A1BG: variants seen among roughly 807,000 people sequenced by gnomAD.
The protein encoded by A1BG is alpha-1-B glycoprotein, also known as alpha-1B-glycoprotein.
In A1BG, 44 loss-of-function variants were observed where a neutral mutation model predicts 46.0. That is an observed-to-expected ratio of 0.96 (90% CI 0.75 to 1.23). The LOEUF is 1.23. Ranked by LOEUF, A1BG falls within the 50% of genes most tolerant of loss-of-function variation. A1BG has a pLI of 0.00. For missense variants in A1BG, 707 were observed against 688.8 expected (o/e 1.03, Z -0.30); for synonymous variants, 316 against 314.7 (o/e 1.00, Z -0.04).
At position 58,346,555 on chromosome 19, in the gene A1BG, C is replaced by A. The variant is rs1196755509; in HGVS notation, c.*467G>T. On this transcript the variant is annotated 3_prime_UTR_variant, in exon 8 of 8. Transcript: ENST00000263100. Reference sequence around the variant, plus strand: ...CTTGGGCAACACAGTGAGACCCTGTCTACAAAAAATAATAATTAGCCAGAC... The same window carrying A: ...CTTGGGCAACACAGTGAGACCCTGTATACAAAAAATAATAATTAGCCAGAC... The A allele has an allele frequency of 8.1e-6, 2 of 245,670 alleles. No individual in the cohort carries two copies. Among genetic ancestry groups the A allele is most frequent in the East Asian group, 1.4e-4 (1 of 7,182 alleles). 15.2% of individuals were successfully genotyped at this position (245,670 alleles called of 1,614,324 possible). A position where few individuals can be genotyped will look rare whatever the true frequency, so the allele number is the denominator to read the frequency against.
In A1BG at chr19:58,347,478, G is replaced by A. The variant is rs1296970422; in HGVS notation, c.1355C>T (p.Ala452Val). Residue 452 changes from alanine to valine, a missense_variant, in exon 7 of 8, where the codon GCG (alanine) becomes GTG (valine). By Grantham distance (64) the Ala-to-Val change is moderately conservative. Transcript: ENST00000263100. ...CACGAAGATCAGCTCGAGGTTCGCC[G>A]CGGCCCCGGGGGTGCGGACCGTCTT... The part of the protein sequence containing the change: ...AVKTVRTPGA[A>V]ANLELIFVGP... The A allele has an allele frequency of 6.2e-7, 1 of 1,600,106 alleles. No homozygotes were observed. The highest frequency in any genetic ancestry group is 1.7e-5 in the Admixed American group (1 of 59,010).
chr19:58,352,113 G>A, intron 4 of A1BG, 170 bp downstream of exon 4: 1 of 1,460,396 alleles, frequency 6.8e-7, no homozygotes, highest in South Asian at 1.4e-5. Context: ...CATTCTTTGG[G>A]CATCCTCTGC....
At chr19:58,347,326 A>C (rs778963034) in intron 7 of A1BG, 27 bp downstream of exon 7, 1 of 1,608,644 alleles carries the variant, frequency 6.2e-7, no homozygotes, top group Admixed American at 1.7e-5. Flanking sequence ...AGACGGAACC[A>C]GCACCCGGGA....
intron 4 of A1BG, 102 bp from the exon 5 acceptor site, chr19:58,351,789 T>TC (rs2051961490): frequency 9.4e-7 from 1 of 1,063,632 alleles, no homozygotes; most frequent in African/African-American, 1.8e-5. Flanking sequence ...GGAACACCCT[T>TC]CCATTCTTTT....
Position 58,346,861 on chromosome 19 carries a change from C to A in A1BG, c.*161G>T. 1 of 743,402 alleles carries A rather than the reference C, an allele frequency of 1.3e-6. No individual in the cohort carries two copies. The highest frequency in any genetic ancestry group is 2.3e-5 in the Admixed American group (1 of 43,910). The allele number at this position is 743,402 out of a possible 1,614,324, so 46.1% of individuals were successfully genotyped here. A position where few individuals can be genotyped will look rare whatever the true frequency, so the allele number is the denominator to read the frequency against. On this transcript the variant is annotated 3_prime_UTR_variant, in exon 8 of 8. Transcript: ENST00000263100. ...CCTGGGAGTCCAAAGACATTTTAAA[C>A]AGAGCCTCTCTTCACATTTATTAAT... is the stretch of plus-strand genomic sequence containing the variant.
Position 58,350,590 on chromosome 19 carries a change from C to T in A1BG, c.972G>A (p.Arg324=). ...EPESGRALRL[R]CLAPLEGARF... ...GCGCGCCCTCCAGGGGCGCCAGGCA[C>T]CGCAGCCGCAAGGCCCTGCCGGACT... Residue 324 remains arginine, a synonymous_variant, in exon 6 of 8, where the codon CGG becomes CGA. Transcript: ENST00000263100. 1 of 1,502,590 alleles carries T rather than the reference C, an allele frequency of 6.7e-7. No homozygotes were observed. The highest frequency in any genetic ancestry group is 8.9e-7 in the Non-Finnish European group (1 of 1,126,602). The allele number at this position is 1,502,590 out of a possible 1,614,324, so 93.1% of individuals were successfully genotyped here.
chr19:58,347,291 G>A, intron 7 of A1BG, 62 bp downstream of exon 7: 1 of 1,600,212 alleles, frequency 6.2e-7, no homozygotes, highest in Non-Finnish European at 8.5e-7. Flanking sequence ...TCCTGGAGGT[G>A]GGCACAGCCC....
At chr19:58,350,932 G>A in intron 5 of A1BG, 1 of 428,744 alleles carries the variant, frequency 2.3e-6, no homozygotes. Context: ...CCTGGTGCAC[G>A]ATGCCGCTCA....
intron 4 of A1BG, 30 bp downstream of exon 4, chr19:58,352,253 G>A (rs778263508): frequency 1.2e-6 from 2 of 1,607,278 alleles, no homozygotes; most frequent in African/African-American, 2.7e-5. Context: ...TCCTCCCCCA[G>A]CAGCCCCCAG....
In A1BG at chr19:58,353,105, T is replaced by A. The variant is rs753825913; in HGVS notation, c.163A>T (p.Thr55Ser). The change falls in exon 3 of 8, where the codon ACT becomes TCT. Residue 55 changes from threonine to serine, a missense_variant. By Grantham distance (58) the Thr-to-Ser change is moderately conservative (BLOSUM62 1). Transcript: ENST00000263100. ...TTCTTGAACAGCTGGAAGTCTGGAG[T>A]CTCCAGGTGGGCCTGGCACGTCAGC... ...VTLTCQAHLE[T>S]PDFQLFKNGV... is the part of the protein sequence containing the mutation. The A allele has an allele frequency of 6.2e-7, 1 of 1,613,964 alleles. No homozygotes were observed. Among genetic ancestry groups the A allele is most frequent in the South Asian group, 1.1e-5 (1 of 91,082 alleles).
chr19:58,351,303 C>G (rs2051955608), intron 5 of A1BG, 88 bp downstream of exon 5: 13 of 1,509,622 alleles, frequency 8.6e-6, no homozygotes, highest in Non-Finnish European at 1.2e-5. Context: ...TGGCCCAGAG[C>G]ACTGCACTTC....
chr19:58,348,356 A>G (rs1188007807), intron 6 of A1BG: 1 of 151,618 alleles, frequency 6.6e-6, no homozygotes, highest in Non-Finnish European at 1.5e-5. Context: ...CGTCTCAAAA[A>G]CAAACAAACA....
intron 6 of A1BG, 116 bp from the exon 7 acceptor site, chr19:58,347,756 T>G (rs1348973479): frequency 5.0e-6 from 3 of 595,768 alleles, no homozygotes; most frequent in Non-Finnish European, 7.2e-6. Context: ...CGGCTTCATC[T>G]TCCCTGTCTT....
chr19:58,351,481 C>T lies in A1BG; in HGVS notation c.820G>A (p.Gly274Arg), dbSNP rs1381759220. The change falls in exon 5 of 8, where the codon GGA becomes AGA. Residue 274 changes from glycine to arginine, a missense_variant. Gly to Arg is a moderately radical substitution (Grantham distance 125, BLOSUM62 -2). Transcript: ENST00000263100. ...FHLNAVALGDGGHYTCRYRLH... is the reference protein window; with the variant it reads ...FHLNAVALGDRGHYTCRYRLH... ...CGGTAGCGGCAGGTGTAGTGACCTCCATCCCCCAGGGCCACCGCGTTCAGG... is the reference window on the plus strand; with the variant it reads ...CGGTAGCGGCAGGTGTAGTGACCTCTATCCCCCAGGGCCACCGCGTTCAGG... 2 of 1,613,714 alleles carry T rather than the reference C, an allele frequency of 1.2e-6. No individual in the cohort carries two copies. Among genetic ancestry groups the T allele is most frequent in the East Asian group, 2.2e-5 (1 of 44,884 alleles).
Position 58,351,515 on chromosome 19 carries a change from G to A in A1BG, c.786C>T (p.Ile262=), listed in dbSNP as rs746494365. The A allele has an allele frequency of 1.2e-6, 2 of 1,613,816 alleles. No individual in the cohort carries two copies. Among genetic ancestry groups the A allele is most frequent in the Non-Finnish European group, 8.5e-7 (1 of 1,180,030 alleles). Residue 262 remains isoleucine, a synonymous_variant, in exon 5 of 8, where the codon ATC becomes ATT. Coordinates refer to ENST00000263100, the MANE Select transcript of A1BG (RefSeq NM_130786.4). ...VPRSSTSPDR[I]FFHLNAVALG... ...GGGCCACCGCGTTCAGGTGAAAGAA[G>A]ATGCGATCTGGGCTGGTGCTGCTCC...
At chr19:58,352,835 G>A (rs1038410635) in intron 3 of A1BG, 93 bp downstream of exon 3, 77 of 1,496,748 alleles carry the variant, frequency 5.1e-5, no homozygotes, top group South Asian at 3.1e-4. Flanking sequence ...GGGGCTTGGG[G>A]CTCAGAGACA....
rs922257658 is a variant in A1BG, at chr19:58,345,746, G to C, written c.*1276C>G. The C allele has an allele frequency of 2.0e-5, 3 of 152,270 alleles. No individual in the cohort carries two copies. The highest frequency in any genetic ancestry group is 7.2e-5 in the African/African-American group (3 of 41,462). The allele number at this position is 152,270 out of a possible 1,614,324, so 9.4% of individuals were successfully genotyped here. A position where few individuals can be genotyped will look rare whatever the true frequency, so the allele number is the denominator to read the frequency against. ...AAGAGAGAGAGGACACATCAGGCTT[G>C]AGAGAAGTGACATCATCATAGACTG... On this transcript the variant is annotated 3_prime_UTR_variant, in exon 8 of 8. Coordinates refer to ENST00000263100, the MANE Select transcript of A1BG (RefSeq NM_130786.4).
At position 58,352,375 on chromosome 19, in the gene A1BG, A is replaced by C. The variant is rs1177012538; in HGVS notation, c.521T>G (p.Val174Gly). ...AQEDVEATFP[V>G]HQPGNYSCSY... The stretch of plus-strand genomic sequence containing the variant: ...GCAGCTGTAGTTGCCAGGCTGATGG[A>C]CTGGAAAGGTGGCCTCCACATCCTC... Residue 174 changes from valine (V) to glycine (G), a missense_variant, in exon 4 of 8, where the codon GTC becomes GGC. Val to Gly is a moderately radical substitution (Grantham distance 109). Coordinates refer to ENST00000263100, the MANE Select transcript of A1BG (RefSeq NM_130786.4). 1 of 1,613,852 alleles carries C rather than the reference A, an allele frequency of 6.2e-7. No homozygotes were observed. The highest frequency in any genetic ancestry group is 8.5e-7 in the Non-Finnish European group (1 of 1,179,972).
chr19:58,346,675 C>T lies in A1BG; in HGVS notation c.*347G>A. 1 of 361,384 alleles carries T rather than the reference C, an allele frequency of 2.8e-6. No homozygotes were observed. The highest frequency in any genetic ancestry group is 2.2e-5 in the African/African-American group (1 of 46,430). 22.4% of individuals were successfully genotyped at this position (361,384 alleles called of 1,614,324 possible). ...GTCAAAACTGCAGTGAGCCGGACTG[C>T]AACACTGCACTCCAGCCTGGGTGAC... On this transcript the variant is annotated 3_prime_UTR_variant, in exon 8 of 8. Coordinates refer to ENST00000263100, the MANE Select transcript of A1BG (RefSeq NM_130786.4).
Sources: allele counts gnomAD v4.1 joint callset, GRCh38; gene constraint gnomAD v4.1.1; transcripts MANE v1.5; gene names NCBI Gene and HGNC (gene_info 2026-07-23, HGNC 2026-07-21).